CCDC158: variants seen among roughly 807,000 people sequenced by gnomAD.
CCDC158 encodes the protein coiled-coil domain-containing protein 158.
In CCDC158, 116 loss-of-function variants were observed where a neutral mutation model predicts 138.6. The ratio of observed to expected loss-of-function variants is 0.84; its 90% CI spans 0.72 to 0.98. The LOEUF is 0.98. Among genes scored for constraint, CCDC158 ranks in the 50% least tolerant of loss-of-function variants. The pLI, the probability that CCDC158 is intolerant of heterozygous loss-of-function variation, is 0.00. For missense variants in CCDC158, 1,265 were observed against 1,306.1 expected, an observed-to-expected ratio of 0.97 and a Z score of 0.48; for synonymous variants, 436 against 442.4, an observed-to-expected ratio of 0.99 and a Z score of 0.18.
chr4:76,421,159 C>T (rs544640957), upstream of CCDC158, among the ~76,000 whole-genome samples: 176 of 152,140 alleles, frequency 1.2e-3, no homozygotes, highest in African/African-American at 3.7e-3. Context: ...CCCGTCACTC[C>T]TCGCGGCTGT....
At position 76,403,257 on chromosome 4, in the gene CCDC158, C is replaced by T. The variant is rs768749395; in HGVS notation, c.-50G>A. The T allele has an allele frequency of 2.3e-6, 3 of 1,287,626 alleles. No homozygotes were observed. In the East Asian group the frequency reaches 7.3e-5, roughly 32 times the overall value. 79.8% of individuals were successfully genotyped at this position (1,287,626 alleles called of 1,614,324 possible). ...GAGATCTTGAAGTATGAATGGTTCCCTCTTTGGTTCTTTTGGTTCCTGTCT... is the reference window on the plus strand; with the variant it reads ...GAGATCTTGAAGTATGAATGGTTCCTTCTTTGGTTCTTTTGGTTCCTGTCT... On this transcript the variant is annotated 5_prime_UTR_variant, in exon 3 of 25. Transcript: ENST00000682701.
intron 4 of CCDC158, among the ~76,000 whole-genome samples, chr4:76,392,665 G>A (rs1291356767): frequency 6.6e-6 from 1 of 151,746 alleles, no homozygotes; most frequent in Non-Finnish European, 1.5e-5. Flanking sequence ...AAGAAAGAAA[G>A]GACATCCAAA....
intron 16 of CCDC158, chr4:76,352,033 A>G (rs1220520781): frequency 2.4e-6 from 1 of 410,406 alleles, no homozygotes; most frequent in Non-Finnish European, 4.3e-6. Context: ...AACTTTTAGT[A>G]TGTGAAGGGC....
At chr4:76,316,704 C>T (rs1003029315) in intron 24 of CCDC158, among the ~76,000 whole-genome samples, 1 of 151,948 alleles carries the variant, frequency 6.6e-6, no homozygotes, top group South Asian at 2.1e-4. Context: ...TTAAGAGCTG[C>T]AAAGTAAAAG....
intron 2 of CCDC158, chr4:76,407,396 T>A (rs1328489919): frequency 6.6e-6 from 1 of 151,820 alleles, no homozygotes; most frequent in Non-Finnish European, 1.5e-5. Context: ...CTAGGCAATT[T>A]AAATGTTCTA....
intron 8 of CCDC158, 28 bp from the exon 9 acceptor site, chr4:76,379,432 T>A: frequency 7.1e-7 from 1 of 1,399,270 alleles, no homozygotes; most frequent in Non-Finnish European, 9.9e-7. Flanking sequence ...GGGGAATAAG[T>A]GCAAATAGCA....
chr4:76,351,127 A>G lies in CCDC158; in HGVS notation c.2539-6T>C, dbSNP rs1420533962. ...TATCCAGGGCCCTGAAGTTCCTGGA[A>G]AACAATATAGAGGTAAGCAAAATAA... On this transcript the variant is annotated splice_region_variant and splice_polypyrimidine_tract_variant and intron_variant, in intron 17 of 24. Transcript: ENST00000682701. 11 of 1,611,418 alleles carry G rather than the reference A, an allele frequency of 6.8e-6. No individual in the cohort carries two copies. The highest frequency in any genetic ancestry group is 3.4e-6 in the Non-Finnish European group (4 of 1,178,588).
At chr4:76,362,762 C>T (rs996616612) in intron 12 of CCDC158, among the ~76,000 whole-genome samples, 5 of 152,230 alleles carry the variant, frequency 3.3e-5, no homozygotes, top group African/African-American at 7.2e-5. Flanking sequence ...TCAGTTACCT[C>T]ACCCTAGTCC....
At chr4:76,379,493 C>G in intron 8 of CCDC158, 89 bp from the exon 9 acceptor site, 2 of 638,396 alleles carry the variant, frequency 3.1e-6, no homozygotes, top group South Asian at 6.1e-5. Context: ...GACACTACCA[C>G]TAGTTATTTT....
intron 18 of CCDC158, chr4:76,345,408 G>C (rs180741474): frequency 3.2e-6 from 3 of 941,674 alleles, no homozygotes; most frequent in South Asian, 1.3e-5. Context: ...ACACCAGCAG[G>C]AGTGCTGCCT....
chr4:76,418,369 T>C (rs1297231643), intron 1 of CCDC158, among the ~76,000 whole-genome samples: 2 of 152,204 alleles, frequency 1.3e-5, no homozygotes, highest in Admixed American at 1.3e-4. Context: ...TCAGTAAGTT[T>C]ATTAAAAATC....
chr4:76,342,587 G>A (rs571497897), intron 18 of CCDC158, among the ~76,000 whole-genome samples: 1 of 152,270 alleles, frequency 6.6e-6, no homozygotes, highest in East Asian at 1.9e-4. Context: ...AAGGGGCAAT[G>A]TAGAACAATG....
chr4:76,371,718 A>G (rs1725259519), intron 9 of CCDC158, among the ~76,000 whole-genome samples, 182 bp from the exon 10 acceptor site: 1 of 152,062 alleles, frequency 6.6e-6, no homozygotes, highest in Non-Finnish European at 1.5e-5. Context: ...CGGGTGGATC[A>G]CCTGAGGTCA....
chr4:76,317,649 A>G (rs1378070961), intron 24 of CCDC158, among the ~76,000 whole-genome samples: 1 of 152,196 alleles, frequency 6.6e-6, no homozygotes, highest in Non-Finnish European at 1.5e-5. Context: ...ATATCCTAGA[A>G]CAAACAGACT....
intron 10 of CCDC158, among the ~76,000 whole-genome samples, chr4:76,371,141 T>C (rs1423338080): frequency 2.6e-5 from 4 of 152,206 alleles, no homozygotes; most frequent in Non-Finnish European, 4.4e-5. Flanking sequence ...TAACACTACT[T>C]CAATTTAATG....
Position 76,334,113 on chromosome 4 carries a change from G to A in CCDC158, c.2719C>T (p.Leu907Phe). The A allele has an allele frequency of 6.2e-7, 1 of 1,613,682 alleles. No homozygotes were observed. The highest frequency in any genetic ancestry group is 8.5e-7 in the Non-Finnish European group (1 of 1,179,678). The change falls in exon 19 of 25, where the codon CTT becomes TTT. Residue 907 changes from leucine to phenylalanine, a missense_variant. By Grantham distance (22) the Leu-to-Phe change is conservative. Coordinates refer to ENST00000682701, the MANE Select transcript of CCDC158 (RefSeq NM_001394954.1). ...ATCACGCTTCTCAACTCTTGGAGAA[G>A]CTGTTTCAGGTCCCTTGTTGGATCT... is the stretch of plus-strand genomic sequence containing the variant. Reference protein sequence around the residue: ...KEDPTRDLKQLLQELRSVINE... With the variant: ...KEDPTRDLKQFLQELRSVINE...
At chr4:76,405,629 A>G (rs1357849775) in intron 2 of CCDC158, among the ~76,000 whole-genome samples, 1 of 152,214 alleles carries the variant, frequency 6.6e-6, no homozygotes, top group Non-Finnish European at 1.5e-5. Context: ...AGCGATATAA[A>G]TATTATGTGC....
Position 76,355,446 on chromosome 4 carries a change from A to C in CCDC158, c.2174-10T>G. The C allele has an allele frequency of 6.4e-7, 1 of 1,568,330 alleles. No individual in the cohort carries two copies. Among genetic ancestry groups the C allele is most frequent in the Middle Eastern group, 1.7e-4 (1 of 5,956 alleles). On this transcript the variant is annotated splice_polypyrimidine_tract_variant and intron_variant, in intron 14 of 24. Coordinates refer to ENST00000682701, the MANE Select transcript of CCDC158 (RefSeq NM_001394954.1). ...ATTGCCACTTTCATAGCTGGAAAAAAAAAAGAGGCAAACTATGCCTTAGGT... is the reference window on the plus strand; with the variant it reads ...ATTGCCACTTTCATAGCTGGAAAAACAAAAGAGGCAAACTATGCCTTAGGT...
chr4:76,378,555 G>A (rs1252423327), intron 9 of CCDC158, among the ~76,000 whole-genome samples: 1 of 152,162 alleles, frequency 6.6e-6, no homozygotes, highest in Non-Finnish European at 1.5e-5. Flanking sequence ...GGGCTAGCGG[G>A]TGTAAACCGA....
Sources: allele counts gnomAD v4.1 joint callset (sites outside exome capture counted in the v4.1 genomes callset), GRCh38; gene constraint gnomAD v4.1.1; transcripts MANE v1.5; gene names NCBI Gene and HGNC (gene_info 2026-07-23, HGNC 2026-07-21).